CNNM2: variants seen among roughly 807,000 people sequenced by gnomAD.
The protein encoded by CNNM2 is cyclin and CBS domain divalent metal cation transport mediator 2, also known as metal transporter CNNM2.
CNNM2 carries 12 observed loss-of-function variants against 66.9 expected under a neutral mutation model. The observed-to-expected ratio is 0.18, with a 90% CI of 0.11 to 0.29. The LOEUF is 0.29. Among genes scored for constraint, CNNM2 ranks in the 10% least tolerant of loss-of-function variants. The pLI, the probability that CNNM2 is intolerant of heterozygous loss-of-function variation, is 1.00. For missense variants in CNNM2, 705 were observed against 1,167.7 expected, an observed-to-expected ratio of 0.60 and a Z score of 5.77; for synonymous variants, 557 against 501.8, an observed-to-expected ratio of 1.11 and a Z score of -1.47.
chr10:103,023,520 C>T (rs1311887970), intron 1 of CNNM2, among the ~76,000 whole-genome samples: 1 of 152,124 alleles, frequency 6.6e-6, no homozygotes, highest in Non-Finnish European at 1.5e-5. Context: ...TGCACTCCAG[C>T]CTGGGCGACA....
At position 103,089,474 on chromosome 10, in the gene CNNM2, T is replaced by C; in HGVS notation, c.*12294T>C. ...TTCTAATACAGACTCCATTACAATT[T>C]TGGACCATCTGCAGAGAGTACAGAT... On this transcript the variant is annotated 3_prime_UTR_variant, in exon 8 of 8. Transcript: ENST00000369878. 1.1e-6 allele frequency: 1 copy of C among 881,058 alleles called. No individual in the cohort carries two copies. The highest frequency in any genetic ancestry group is 1.6e-6 in the Non-Finnish European group (1 of 629,366). The allele number at this position is 881,058 out of a possible 1,614,324, so 54.6% of individuals were successfully genotyped here.
chr10:103,011,682 G>GTA (rs1554898655), intron 1 of CNNM2, among the ~76,000 whole-genome samples: 41 of 148,272 alleles, frequency 2.8e-4, no homozygotes, highest in South Asian at 2.1e-4. Context: ...GTGTGTGTGT[G>GTA]TGTATGTATA....
At chr10:103,020,168 C>A (rs977035241) in intron 1 of CNNM2, among the ~76,000 whole-genome samples, 3 of 139,280 alleles carry the variant, frequency 2.2e-5, no homozygotes, top group African/African-American at 8.0e-5. Context: ...TTTTTTTTTT[C>A]GTCTGAGACA....
rs2065758634 is a variant in CNNM2, at chr10:103,081,659, G to A, written c.*4479G>A. On this transcript the variant is annotated 3_prime_UTR_variant, in exon 8 of 8. Transcript: ENST00000369878. ...AGTGGTGCACCAATAGCTTGCTGCT[G>A]TTACTTAGCAAGGCTGTGACAAGTA... The A allele has an allele frequency of 6.6e-6, 1 of 152,220 alleles. No individual in the cohort carries two copies. The highest frequency in any genetic ancestry group is 1.5e-5 in the Non-Finnish European group (1 of 68,052). The allele number at this position is 152,220 out of a possible 1,614,324, so 9.4% of individuals were successfully genotyped here.
At position 103,088,518 on chromosome 10, in the gene CNNM2, G is replaced by A. The variant is rs2065979220; in HGVS notation, c.*11338G>A. On this transcript the variant is annotated 3_prime_UTR_variant, in exon 8 of 8. Transcript: ENST00000369878. Reference sequence around the variant, plus strand: ...TCCTGCCTCAGCCTCCTGAGTAGATGATGGGATTACAGGCATGCACCACCA... The same window carrying A: ...TCCTGCCTCAGCCTCCTGAGTAGATAATGGGATTACAGGCATGCACCACCA... 1 of 152,514 alleles carries A rather than the reference G, an allele frequency of 6.6e-6. No homozygotes were observed. Among genetic ancestry groups the A allele is most frequent in the Non-Finnish European group, 1.5e-5 (1 of 68,246 alleles). 9.4% of individuals were successfully genotyped at this position (152,514 alleles called of 1,614,324 possible).
chr10:102,964,958 C>A (rs1245797184), intron 1 of CNNM2, among the ~76,000 whole-genome samples: 3 of 152,126 alleles, frequency 2.0e-5, no homozygotes, highest in Non-Finnish European at 4.4e-5. Context: ...CAGCACTTGG[C>A]CCTCCTACTC....
chr10:102,919,136 G>A lies in CNNM2; in HGVS notation c.656G>A (p.Gly219Glu), dbSNP rs1353778666. ...GCCGTCGGGGGCAAGGGTGGCTCGG[G>A]GGTGGCCGGGCTCCCGCCGCCCCCG... ...GGAVGGKGGS[G>E]VAGLPPPPWA... The change falls in exon 1 of 8, where the codon GGG (glycine) becomes GAG (glutamate). Residue 219 changes from glycine (G) to glutamate (E), a missense_variant. Transcript: ENST00000369878. 1.9e-6 allele frequency: 3 copies of A among 1,609,830 alleles called. No individual in the cohort carries two copies. Among genetic ancestry groups the A allele is most frequent in the African/African-American group, 2.7e-5 (2 of 74,906 alleles).
chr10:102,960,164 G>A, intron 1 of CNNM2, among the ~76,000 whole-genome samples: 1 of 152,158 alleles, frequency 6.6e-6, no homozygotes. Flanking sequence ...GCTCAGCACA[G>A]TGCCTGACGC....
At chr10:102,993,140 G>T (rs1020127624) in intron 1 of CNNM2, among the ~76,000 whole-genome samples, 4 of 152,226 alleles carry the variant, frequency 2.6e-5, no homozygotes, top group Admixed American at 1.3e-4. Flanking sequence ...ACTAGATGAT[G>T]CATGGTCTCC....
At chr10:102,926,874 C>T (rs978441424) in intron 1 of CNNM2, among the ~76,000 whole-genome samples, 22 of 152,056 alleles carry the variant, frequency 1.4e-4, no homozygotes, top group African/African-American at 5.3e-4. Flanking sequence ...CGCTGCCATG[C>T]CCGGCTAATT....
intron 1 of CNNM2, among the ~76,000 whole-genome samples, chr10:103,028,787 TTTC>T (rs1194625219): frequency 1.8e-4 from 27 of 151,518 alleles, no homozygotes; most frequent in African/African-American, 6.3e-4. Flanking sequence ...CCCCTCCCAT[TTTC>T]TTCTTTCTTT....
In CNNM2 at chr10:103,071,848, G is replaced by C. The variant is rs977835016; in HGVS notation, c.2233+9G>C. The C allele has an allele frequency of 6.2e-7, 1 of 1,612,924 alleles. No homozygotes were observed. The highest frequency in any genetic ancestry group is 1.1e-5 in the South Asian group (1 of 91,062). On this transcript the variant is annotated intron_variant, in intron 6 of 7. Transcript: ENST00000369878. The stretch of plus-strand genomic sequence containing the variant: ...AGCAGCAGGTTCTCCAGGTAATTCT[G>C]CATGCTTCCTTTCCGTAATTCTCCT...
rs2065730320 is a variant in CNNM2 at position 103,079,021 on chromosome 10, T to C, written c.*1841T>C. The C allele has an allele frequency of 6.6e-6, 1 of 152,236 alleles. No homozygotes were observed. The highest frequency in any genetic ancestry group is 2.1e-4 in the South Asian group (1 of 4,834). 9.4% of individuals were successfully genotyped at this position (152,236 alleles called of 1,614,324 possible). On this transcript the variant is annotated 3_prime_UTR_variant, in exon 8 of 8. Transcript: ENST00000369878. The stretch of plus-strand genomic sequence containing the variant: ...GGGGAAGTACTGATCTCACTTGGTG[T>C]AGAGGGTCACAGGGACCCCCCGAGG...
Position 102,918,425 on chromosome 10 carries a change from C to G in CNNM2, c.-56C>G, listed in dbSNP as rs1307155443. The G allele has an allele frequency of 1.9e-6, 3 of 1,565,878 alleles. No homozygotes were observed. ...TTGCAGTCTCGCCCAGGGGCCGGTA[C>G]CTGCGCTCGCGCCGCCGGGTTGAAA... On this transcript the variant is annotated 5_prime_UTR_variant, in exon 1 of 8. Transcript: ENST00000369878. The surrounding 1 kb of genome is among the most constrained non-coding windows in gnomAD (Gnocchi z 4.1).
rs150761529 is a variant in CNNM2, at chr10:103,033,727, C to T, written c.1622-15980C>T. On this transcript the variant is annotated intron_variant, in intron 1 of 7. Transcript: ENST00000369878. ...GTCTCGAACTCCTAACCTTGTGATCCGCCTGCCTCGGCCTCCCAAAGTGCT... is the reference window on the plus strand; with the variant it reads ...GTCTCGAACTCCTAACCTTGTGATCTGCCTGCCTCGGCCTCCCAAAGTGCT... Among the ~76,000 whole-genome samples, 631 of 148,586 alleles carry T rather than the reference C, an allele frequency of 4.2e-3. 18 individuals carry two copies. In the East Asian group the frequency reaches 0.075, roughly 18 times the overall value.
At chr10:102,955,024 C>A (rs376990702) in intron 1 of CNNM2, among the ~76,000 whole-genome samples, 109 of 152,312 alleles carry the variant, frequency 7.2e-4, no homozygotes, top group African/African-American at 2.5e-3. Flanking sequence ...ATTGAAAAAA[C>A]TACTTTAAAG....
chr10:102,937,781 G>A (rs981934469), intron 1 of CNNM2, among the ~76,000 whole-genome samples: 2 of 133,466 alleles, frequency 1.5e-5, no homozygotes, highest in Admixed American at 7.6e-5. Flanking sequence ...GATGTATACA[G>A]AAACCTTTTT....
intron 1 of CNNM2, among the ~76,000 whole-genome samples, chr10:103,009,206 C>A (rs566760539): frequency 2.0e-5 from 3 of 151,920 alleles, no homozygotes; most frequent in African/African-American, 7.3e-5. Context: ...AACCAGGAGG[C>A]GGAGGTTGTG....
intron 1 of CNNM2, among the ~76,000 whole-genome samples, chr10:103,042,907 T>C (rs1245572128): frequency 1.3e-5 from 2 of 152,220 alleles, no homozygotes; most frequent in Non-Finnish European, 2.9e-5. Context: ...TTTGCTTCTT[T>C]TATCACTAGT....
Sources: allele counts gnomAD v4.1 joint callset (sites outside exome capture counted in the v4.1 genomes callset), GRCh38; gene constraint gnomAD v4.1.1; non-coding constraint Gnocchi (gnomAD v3.1); transcripts MANE v1.5; gene names NCBI Gene and HGNC (gene_info 2026-07-23, HGNC 2026-07-21).